SH3RF3: variants seen among roughly 807,000 people sequenced by gnomAD.
SH3RF3 encodes E3 ubiquitin-protein ligase SH3RF3.
In SH3RF3, 29 loss-of-function variants were observed where a neutral mutation model predicts 66.3. That is an observed-to-expected ratio of 0.44 (90% CI 0.33 to 0.60). The LOEUF is 0.60. Ranked by LOEUF, SH3RF3 falls within the 20% of genes least tolerant of loss-of-function variation. The pLI is 0.04. For synonymous variants in SH3RF3, 583 were observed against 532.0 expected (o/e 1.10, Z -1.32); for missense variants, 1,194 against 1,190.9 (o/e 1.00, Z -0.04).
intron 7 of SH3RF3, among the ~76,000 whole-genome samples, chr2:109,440,659 G>A (rs1212538701): frequency 6.6e-6 from 1 of 152,210 alleles, no homozygotes; most frequent in Admixed American, 6.5e-5. Context: ...AGAAGTTGCA[G>A]GCAGTGGCAA....
At chr2:109,267,065 A>G (rs1395437711) in intron 1 of SH3RF3, among the ~76,000 whole-genome samples, 1 of 152,194 alleles carries the variant, frequency 6.6e-6, no homozygotes. Context: ...ACTGAGATAC[A>G]TTATCAGTGA....
At chr2:109,223,974 C>A (rs1679313773) in intron 1 of SH3RF3, among the ~76,000 whole-genome samples, 1 of 152,090 alleles carries the variant, frequency 6.6e-6, no homozygotes. Context: ...TGCACTCCAG[C>A]CTAGGTGACA....
At chr2:109,492,928 G>T (rs1305636834) in intron 9 of SH3RF3, among the ~76,000 whole-genome samples, 1 of 152,020 alleles carries the variant, frequency 6.6e-6, no homozygotes, top group Non-Finnish European at 1.5e-5. Flanking sequence ...CACACCCACA[G>T]GGAGAAGTGC....
In SH3RF3 at chr2:109,129,867, C is replaced by G. The variant is rs756931742; in HGVS notation, c.327C>G (p.Pro109=). The G allele has an allele frequency of 7.0e-5, 106 of 1,525,046 alleles. No individual in the cohort carries two copies. Among genetic ancestry groups the G allele is most frequent in the Admixed American group, 1.6e-4 (8 of 49,828 alleles). The allele number at this position is 1,525,046 out of a possible 1,614,324, so 94.5% of individuals were successfully genotyped here. Reference sequence around the variant, plus strand: ...TGGGCTGCGGCGTGGACGAACTGCCCGCCAACATCTTGCTGGTGCGACTGC... The same window carrying G: ...TGGGCTGCGGCGTGGACGAACTGCCGGCCAACATCTTGCTGGTGCGACTGC... ...ILVGCGVDEL[P]ANILLVRLLD... Residue 109 remains proline, a synonymous_variant, in exon 1 of 10, where the codon CCC becomes CCG. Transcript: ENST00000309415.
At position 109,477,660 on chromosome 2, in the gene SH3RF3, C is replaced by T. The variant is rs1041378388; in HGVS notation, c.2149-12945C>T. ...TGTGTGTGTTGGTGAGGGGTGTCAG[C>T]AACAGGAGTGATTTCCCACAGTTTT... On this transcript the variant is annotated intron_variant, in intron 8 of 9. Transcript: ENST00000309415. 7.9e-4 allele frequency among the ~76,000 whole-genome samples: 120 copies of T among 151,690 alleles called. 1 individual carries two copies. The highest frequency in any genetic ancestry group is 2.5e-4 in the Non-Finnish European group (17 of 67,950).
chr2:109,141,194 G>A (rs1299475511), intron 1 of SH3RF3, among the ~76,000 whole-genome samples: 2 of 152,200 alleles, frequency 1.3e-5, no homozygotes, highest in Non-Finnish European at 2.9e-5. Flanking sequence ...CTTCTGTGCA[G>A]TTTCTGGCTC....
intron 1 of SH3RF3, among the ~76,000 whole-genome samples, chr2:109,171,853 A>G (rs1558939255): frequency 6.6e-6 from 1 of 152,312 alleles, no homozygotes; most frequent in East Asian, 1.9e-4. Flanking sequence ...AAGATGTTCT[A>G]TTTGTGTTTT....
chr2:109,133,759 C>T (rs543826696), intron 1 of SH3RF3, among the ~76,000 whole-genome samples: 1 of 150,160 alleles, frequency 6.7e-6, no homozygotes, highest in Admixed American at 6.6e-5. Context: ...AACTTCTTTC[C>T]CTGTTACAGA....
intron 8 of SH3RF3, among the ~76,000 whole-genome samples, chr2:109,481,707 C>T (rs1005198676): frequency 6.6e-6 from 1 of 152,204 alleles, no homozygotes; most frequent in Non-Finnish European, 1.5e-5. Context: ...ACAGTTGCCA[C>T]TTACAGAGAG....
intron 1 of SH3RF3, among the ~76,000 whole-genome samples, chr2:109,214,448 TAAAAA>T (rs1217461755): frequency 8.5e-5 from 11 of 128,878 alleles, no homozygotes; most frequent in Non-Finnish European, 1.8e-4. Context: ...CTTAAAGTAT[TAAAAA>T]AAAAGAGTCA....
At chr2:109,232,054 G>A (rs575681424) in intron 1 of SH3RF3, among the ~76,000 whole-genome samples, 1 of 152,300 alleles carries the variant, frequency 6.6e-6, no homozygotes, top group African/African-American at 2.4e-5. Flanking sequence ...CATTTGGGTT[G>A]TTTTCACTTT....
intron 7 of SH3RF3, among the ~76,000 whole-genome samples, chr2:109,440,601 A>G: frequency 6.6e-6 from 1 of 152,248 alleles, no homozygotes; most frequent in East Asian, 1.9e-4. Context: ...CCAAGTATAT[A>G]AAACAACAGT....
At chr2:109,263,324 G>A (rs1680404965) in intron 1 of SH3RF3, among the ~76,000 whole-genome samples, 1 of 152,168 alleles carries the variant, frequency 6.6e-6, no homozygotes, top group Admixed American at 6.5e-5. Flanking sequence ...TATAAGGTGG[G>A]TAGATCAACT....
intron 4 of SH3RF3, among the ~76,000 whole-genome samples, chr2:109,410,841 C>A (rs61110963): frequency 7.8e-6 from 1 of 128,638 alleles, no homozygotes; most frequent in Non-Finnish European, 1.7e-5. Context: ...GCTTTGAAGT[C>A]GGAGCAGAGA....
At chr2:109,202,516 TGGTG>T (rs1019074915) in intron 1 of SH3RF3, among the ~76,000 whole-genome samples, 13 of 152,242 alleles carry the variant, frequency 8.5e-5, no homozygotes, top group African/African-American at 3.1e-4. Flanking sequence ...TCTGGGTAGC[TGGTG>T]GGTGGTCAGC....
intron 1 of SH3RF3, among the ~76,000 whole-genome samples, chr2:109,282,559 G>T (rs1308653015): frequency 6.6e-6 from 1 of 152,152 alleles, no homozygotes; most frequent in Non-Finnish European, 1.5e-5. Context: ...TCAGCTGACT[G>T]CAGGGCCTGG....
intron 4 of SH3RF3, among the ~76,000 whole-genome samples, chr2:109,413,494 C>T (rs996431968): frequency 7.2e-5 from 11 of 152,164 alleles, no homozygotes; most frequent in Admixed American, 5.9e-4. Flanking sequence ...CTCTGTCTGT[C>T]TGTCTCTTTC....
At chr2:109,260,755 G>A (rs1680334604) in intron 1 of SH3RF3, among the ~76,000 whole-genome samples, 1 of 152,184 alleles carries the variant, frequency 6.6e-6, no homozygotes, top group Admixed American at 6.5e-5. Flanking sequence ...GGGACAGAAG[G>A]CACGGAAACT....
Position 109,220,325 on chromosome 2 carries a change from T to C in SH3RF3, c.573+90212T>C, listed in dbSNP as rs1173001810. Among the ~76,000 whole-genome samples the C allele has an allele frequency of 4.6e-5, 7 of 152,148 alleles. No individual in the cohort carries two copies. In the South Asian group the frequency reaches 1.2e-3, roughly 27 times the overall value. Reference sequence around the variant, plus strand: ...AAGAGCTAAAATTATAAAACTGTTATAAGAATACACAGGTAAAAACCTTCA... The same window carrying C: ...AAGAGCTAAAATTATAAAACTGTTACAAGAATACACAGGTAAAAACCTTCA... On this transcript the variant is annotated intron_variant, in intron 1 of 9. Coordinates refer to ENST00000309415, the MANE Select transcript of SH3RF3 (RefSeq NM_001099289.3).
Sources: gnomAD v4.1 joint callset for allele counts (sites outside exome capture counted in the v4.1 genomes callset) on GRCh38, gnomAD v4.1.1 for gene constraint, MANE v1.5 for transcripts, NCBI Gene and HGNC (gene_info 2026-07-23, HGNC 2026-07-21) for gene names.